Variants in AK8 observed in about 807,000 individuals in gnomAD.
AK8 encodes adenylate kinase 8.
A neutral mutation model predicts 54.6 loss-of-function variants in AK8; 44 were observed. The observed-to-expected ratio is 0.81, with a 90% CI of 0.63 to 1.04. The LOEUF (loss-of-function observed/expected upper bound fraction) is 1.04. AK8 is among the 50% of genes least tolerant of loss of function. AK8 has a pLI of 0.00. For missense variants in AK8, 555 were observed against 613.6 expected, an observed-to-expected ratio of 0.90 and a Z score of 1.01; for synonymous variants, 239 against 245.6, an observed-to-expected ratio of 0.97 and a Z score of 0.25.
chr9:132,807,986 T>C (rs1462834085), intron 10 of AK8, among the ~76,000 whole-genome samples: 1 of 151,954 alleles, frequency 6.6e-6, no homozygotes, highest in Non-Finnish European at 1.5e-5. Flanking sequence ...AGTAGCGCCT[T>C]TGCTTGAGTT....
At chr9:132,739,581 T>C (rs1398189132) in intron 11 of AK8, among the ~76,000 whole-genome samples, 4 of 151,850 alleles carry the variant, frequency 2.6e-5, no homozygotes, top group Non-Finnish European at 4.4e-5. Flanking sequence ...AGAGTTGTTT[T>C]TGTTTTGTTT....
chr9:132,782,211 G>A (rs1839505445), intron 11 of AK8, among the ~76,000 whole-genome samples: 1 of 151,908 alleles, frequency 6.6e-6, no homozygotes, highest in Admixed American at 6.6e-5. Flanking sequence ...CCCTGTGTTG[G>A]TCCTGTAGTA....
At chr9:132,752,897 G>A (rs1212238189) in intron 11 of AK8, among the ~76,000 whole-genome samples, 3 of 152,118 alleles carry the variant, frequency 2.0e-5, no homozygotes, top group Non-Finnish European at 2.9e-5. Flanking sequence ...CCCACATAAA[G>A]CACTTGGTCC....
Position 132,725,691 on chromosome 9 carries a change from G to A in AK8, c.1437C>T (p.Pro479=). The part of the protein sequence containing the change: ...GIINPLPKKI[P] ...AGCGCTCCTGGCTCTGAACCCATCA[G>A]GGGATTTTCTTGGGCAGGGGATTAA... Residue 479 remains proline, a synonymous_variant, in exon 13 of 13, where the codon CCC becomes CCT. Coordinates refer to ENST00000298545, the MANE Select transcript of AK8 (RefSeq NM_152572.3). The A allele has an allele frequency of 6.4e-7, 1 of 1,573,058 alleles. No homozygotes were observed. The highest frequency in any genetic ancestry group is 1.3e-5 in the African/African-American group (1 of 74,690).
At chr9:132,757,106 G>A (rs12552369) in intron 11 of AK8, among the ~76,000 whole-genome samples, 58,332 of 152,040 alleles carry the variant, frequency 0.38, 13,806 homozygotes, top group Non-Finnish European at 0.49. Context: ...AGCAGTTGCC[G>A]TGGGCACCCG....
intron 5 of AK8, among the ~76,000 whole-genome samples, chr9:132,846,523 G>C (rs1278718444): frequency 6.6e-6 from 1 of 150,382 alleles, no homozygotes; most frequent in Non-Finnish European, 1.5e-5. Context: ...ATGAATGAAT[G>C]AATGAATGAA....
intron 4 of AK8, among the ~76,000 whole-genome samples, chr9:132,857,344 C>A (rs940014726): frequency 3.9e-5 from 6 of 152,132 alleles, no homozygotes; most frequent in Admixed American, 3.9e-4. Context: ...ACCTGGAGAA[C>A]CACTGGCATA....
At chr9:132,804,224 G>A (rs1840609451) in intron 10 of AK8, among the ~76,000 whole-genome samples, 2 of 152,110 alleles carry the variant, frequency 1.3e-5, no homozygotes, top group South Asian at 4.2e-4. Context: ...CCCTGGGATT[G>A]TCCACACCAC....
intron 11 of AK8, among the ~76,000 whole-genome samples, chr9:132,789,619 A>AAAAAG (rs1839863604): frequency 6.7e-6 from 1 of 149,806 alleles, no homozygotes; most frequent in African/African-American, 2.5e-5. Flanking sequence ...AAAAAAAAAA[A>AAAAAG]AAAGAAAGAA....
chr9:132,859,654 TC>T lies in AK8; in HGVS notation c.333+4010del, dbSNP rs1843309168. On this transcript the variant is annotated intron_variant, in intron 4 of 12. Transcript: ENST00000298545. Reference sequence around the variant, plus strand: ...CCTGTCCCCCTCCTTCCCCGTCTCCTCCCCCTCCTCGACCCGGGTCTTCCTC... The same window carrying T: ...CCTGTCCCCCTCCTTCCCCGTCTCCTCCCCTCCTCGACCCGGGTCTTCCTC... 2.3e-5 allele frequency among the ~76,000 whole-genome samples: 3 copies of T among 132,702 alleles called. No individual in the cohort carries two copies. In the Admixed American group the frequency reaches 2.3e-4, roughly 10 times the overall value. The allele number at this position is 132,702 out of a possible 152,430, so 87.1% of individuals were successfully genotyped here.
In AK8 at chr9:132,790,856, G is replaced by A. The variant is rs1160932321; in HGVS notation, c.1121+1778C>T. ...GGTGGCTGGGGTATAAAATAAGTAA[G>A]CCAAAATCAATGTCTTTTGTATACT... On this transcript the variant is annotated intron_variant, in intron 11 of 12. Transcript: ENST00000298545. The surrounding 1 kb of genome is among the most constrained non-coding windows in gnomAD (Gnocchi z 4.1). 6.6e-6 allele frequency among the ~76,000 whole-genome samples: 1 copy of A among 151,962 alleles called. No homozygotes were observed. The highest frequency in any genetic ancestry group is 2.4e-5 in the African/African-American group (1 of 41,350).
At position 132,824,382 on chromosome 9, in the gene AK8, G is replaced by A. The variant is rs993855881; in HGVS notation, c.758-1046C>T. Among the ~76,000 whole-genome samples, 3 of 152,222 alleles carry A rather than the reference G, an allele frequency of 2.0e-5. No individual in the cohort carries two copies. In the East Asian group the frequency reaches 5.8e-4, roughly 29 times the overall value. On this transcript the variant is annotated intron_variant, in intron 8 of 12. Transcript: ENST00000298545. The stretch of plus-strand genomic sequence containing the variant: ...CCCCGTTACACCTTCCTGCCAGTCT[G>A]CCTTTACCAATGTGCCTTGCGGTGG...
intron 11 of AK8, among the ~76,000 whole-genome samples, chr9:132,762,162 G>A (rs918950387): frequency 6.6e-6 from 1 of 152,066 alleles, no homozygotes; most frequent in South Asian, 2.1e-4. Context: ...GAGCCACTGC[G>A]CCTGGCCATT....
In AK8 at chr9:132,781,071, G is replaced by A. The variant is rs1348785730; in HGVS notation, c.1121+11563C>T. ...CATTAATTTTAAAAGAAAATACTGT[G>A]CTACAAGCTTGCAGCATGAAATGAA... On this transcript the variant is annotated intron_variant, in intron 11 of 12. Coordinates refer to ENST00000298545, the MANE Select transcript of AK8 (RefSeq NM_152572.3). The surrounding 1 kb of genome is among the most constrained non-coding windows in gnomAD (Gnocchi z 4.6). Among the ~76,000 whole-genome samples, 1 of 152,166 alleles carries A rather than the reference G, an allele frequency of 6.6e-6. No individual in the cohort carries two copies. The highest frequency in any genetic ancestry group is 2.4e-5 in the African/African-American group (1 of 41,436).
chr9:132,865,843 A>G (rs1376394000), intron 3 of AK8, among the ~76,000 whole-genome samples: 1 of 151,074 alleles, frequency 6.6e-6, no homozygotes, highest in African/African-American at 2.4e-5. Flanking sequence ...AAAATAAAAA[A>G]TAAAGGTAAA....
intron 11 of AK8, among the ~76,000 whole-genome samples, chr9:132,754,553 T>C (rs1838097729): frequency 6.6e-6 from 1 of 152,160 alleles, no homozygotes; most frequent in Non-Finnish European, 1.5e-5. Flanking sequence ...CAAGTTTCCA[T>C]TGTAAAGAGT....
At chr9:132,856,722 G>A (rs899912994) in intron 4 of AK8, among the ~76,000 whole-genome samples, 3 of 152,190 alleles carry the variant, frequency 2.0e-5, no homozygotes, top group African/African-American at 7.2e-5. Flanking sequence ...CACCAGCTCA[G>A]AAGCTGAGAA....
Position 132,817,793 on chromosome 9 carries a change from A to T in AK8, c.890-3066T>A, listed in dbSNP as rs148361348. Among the ~76,000 whole-genome samples, 91 of 152,338 alleles carry T rather than the reference A, an allele frequency of 6.0e-4. No homozygotes were observed. In the South Asian group the frequency reaches 0.018, roughly 31 times the overall value. ...TTCCAGAAAGAAGAGAGGCAGGCAG[A>T]AAAAAGATTTCAGAAGATAATGACA... On this transcript the variant is annotated intron_variant, in intron 9 of 12. Coordinates refer to ENST00000298545, the MANE Select transcript of AK8 (RefSeq NM_152572.3).
chr9:132,788,785 T>C (rs1490727121), intron 11 of AK8, among the ~76,000 whole-genome samples: 1 of 152,136 alleles, frequency 6.6e-6, no homozygotes, highest in African/African-American at 2.4e-5. Flanking sequence ...TGCCTGAGTT[T>C]TAAAAACTCT....
Sources: allele counts gnomAD v4.1 joint callset (sites outside exome capture counted in the v4.1 genomes callset), GRCh38; gene constraint gnomAD v4.1.1; non-coding constraint Gnocchi (gnomAD v3.1); transcripts MANE v1.5; gene names NCBI Gene and HGNC (gene_info 2026-07-23, HGNC 2026-07-21).